The following ETFA variants were observed in gnomAD, a reference collection of about 807,000 sequenced individuals.
ETFA encodes electron transfer flavoprotein subunit alpha, also known as electron transfer flavoprotein subunit alpha, mitochondrial.
ETFA carries 22 observed loss-of-function variants against 46.2 expected under a neutral mutation model. The observed-to-expected ratio is 0.48, with a 90% CI of 0.34 to 0.68. The LOEUF (loss-of-function observed/expected upper bound fraction) is 0.68. ETFA is among the 30% of genes least tolerant of loss of function. The pLI, the probability that ETFA is intolerant of heterozygous loss-of-function variation, is 0.01. For missense variants in ETFA, 345 were observed against 401.1 expected (o/e 0.86, Z 1.19); for synonymous variants, 131 against 139.9 (o/e 0.94, Z 0.45).
chr15:76,284,701 A>T (rs2039689332), intron 7 of ETFA: 1 of 175,820 alleles, frequency 5.7e-6, no homozygotes, highest in Admixed American at 6.3e-5. Context: ...TATGTTGGCC[A>T]GGCTGGTCTC....
intron 9 of ETFA, among the ~76,000 whole-genome samples, chr15:76,266,169 G>A (rs561414690): frequency 6.6e-6 from 1 of 152,304 alleles, no homozygotes; most frequent in East Asian, 1.9e-4. Context: ...TACAACCAGG[G>A]CTGCCCTCCC....
At chr15:76,231,648 A>G (rs1293789850) in intron 9 of ETFA, among the ~76,000 whole-genome samples, 2 of 152,160 alleles carry the variant, frequency 1.3e-5, no homozygotes, top group East Asian at 3.9e-4. Flanking sequence ...AACATTTACT[A>G]TGTGCCAGAC....
At chr15:76,268,320 C>T (rs932580896) in intron 9 of ETFA, among the ~76,000 whole-genome samples, 11 of 151,786 alleles carry the variant, frequency 7.2e-5, no homozygotes, top group African/African-American at 1.5e-4. Context: ...GACCATGGAG[C>T]GGGAGACTGG....
At chr15:76,242,824 T>C (rs547554257) in intron 9 of ETFA, among the ~76,000 whole-genome samples, 156 of 152,338 alleles carry the variant, frequency 1.0e-3, no homozygotes, top group East Asian at 1.7e-3. Context: ...ATATCTAGAA[T>C]AGGCAAATTC....
intron 9 of ETFA, among the ~76,000 whole-genome samples, chr15:76,247,341 C>G (rs758215184): frequency 6.6e-6 from 1 of 152,164 alleles, no homozygotes; most frequent in Admixed American, 6.6e-5. Flanking sequence ...TCTATAACCA[C>G]GAGCAAAAGG....
chr15:76,254,284 A>C (rs749455988), intron 9 of ETFA, among the ~76,000 whole-genome samples: 4 of 152,178 alleles, frequency 2.6e-5, no homozygotes, highest in Non-Finnish European at 5.9e-5. Context: ...AACTCTGTAC[A>C]TACACTCCAC....
chr15:76,286,013 A>G (rs2039701833), intron 6 of ETFA, among the ~76,000 whole-genome samples: 1 of 152,324 alleles, frequency 6.6e-6, no homozygotes, highest in African/African-American at 2.4e-5. Context: ...CAAATAAGAC[A>G]CTATATATGT....
At chr15:76,264,292 G>A (rs768826571) in intron 9 of ETFA, among the ~76,000 whole-genome samples, 3 of 152,224 alleles carry the variant, frequency 2.0e-5, no homozygotes, top group Non-Finnish European at 4.4e-5. Context: ...AACATGGTGG[G>A]CTGAGGAAGC....
chr15:76,287,726 C>T (rs556686665), intron 5 of ETFA, 120 bp downstream of exon 5: 1 of 785,434 alleles, frequency 1.3e-6, no homozygotes, highest in South Asian at 1.5e-5. Context: ...CCTCAGAAAC[C>T]TTTAAGATGG....
rs529078316 is a variant in ETFA at position 76,259,534 on chromosome 15, G to A, written c.816+14878C>T. The A allele has an allele frequency of 1.7e-4, 158 of 947,554 alleles. 1 individual carries two copies. The highest frequency in any genetic ancestry group is 2.6e-4 in the Non-Finnish European group (147 of 575,434). 58.7% of individuals were successfully genotyped at this position (947,554 alleles called of 1,614,324 possible). On this transcript the variant is annotated intron_variant, in intron 9 of 11. Transcript: ENST00000557943. The stretch of plus-strand genomic sequence containing the variant: ...ATGCCAGCGTATGGTGTCTGCCCAC[G>A]TGTCATGATCTCCCACATGGTCACC...
intron 8 of ETFA, among the ~76,000 whole-genome samples, chr15:76,278,835 G>C (rs891107749): frequency 2.6e-5 from 4 of 152,130 alleles, no homozygotes; most frequent in Admixed American, 2.6e-4. Context: ...ATTGTCTCTT[G>C]TCTACTCAAG....
chr15:76,239,138 A>G (rs941649181), intron 9 of ETFA, among the ~76,000 whole-genome samples: 1 of 152,178 alleles, frequency 6.6e-6, no homozygotes, highest in Non-Finnish European at 1.5e-5. Flanking sequence ...CAACAACTCT[A>G]TAGGGTAGAA....
At chr15:76,272,805 A>AATATATATATATATATATAT (rs1379336424) in intron 9 of ETFA, among the ~76,000 whole-genome samples, 3 of 78,496 alleles carry the variant, frequency 3.8e-5, no homozygotes, top group Non-Finnish European at 5.9e-5. Flanking sequence ...TGTCTCTTAA[A>AATATATATATATATATATAT]ATATATACAT....
At chr15:76,307,274 T>C (rs554888434) in intron 1 of ETFA, among the ~76,000 whole-genome samples, 100 of 152,336 alleles carry the variant, frequency 6.6e-4, no homozygotes, top group Non-Finnish European at 1.2e-3. Context: ...CTTGGTGTGT[T>C]CTCTAGCTCT....
chr15:76,279,350 A>G (rs1356004733), intron 8 of ETFA, among the ~76,000 whole-genome samples: 1 of 152,084 alleles, frequency 6.6e-6, no homozygotes, highest in African/African-American at 2.4e-5. Flanking sequence ...ATTACAGCTC[A>G]CTGCAGCCTT....
In ETFA at chr15:76,285,707, C is replaced by T. The variant is rs1401556308; in HGVS notation, c.594G>A (p.Glu198=). ...TTTTTGTTAATTTCTGGTCAAGCCACTCTGATATTTCCACTGGTGAAGTAC... is the reference window on the plus strand; with the variant it reads ...TTTTTGTTAATTTCTGGTCAAGCCATTCTGATATTTCCACTGGTGAAGTAC... ...ASSTSPVEIS[E]WLDQKLTKSD... Residue 198 remains glutamate (E), a synonymous_variant, in exon 7 of 12, where the codon GAG becomes GAA. Coordinates refer to ENST00000557943, the MANE Select transcript of ETFA (RefSeq NM_000126.4). 1 of 1,611,984 alleles carries T rather than the reference C, an allele frequency of 6.2e-7. No homozygotes were observed. Among genetic ancestry groups the T allele is most frequent in the Admixed American group, 1.7e-5 (1 of 60,028 alleles).
intron 9 of ETFA, among the ~76,000 whole-genome samples, chr15:76,232,927 TA>T (rs1296158185): frequency 6.6e-6 from 1 of 152,190 alleles, no homozygotes. Flanking sequence ...TTTACAAGCA[TA>T]AAGTGTCCAA....
In ETFA at chr15:76,224,485, C is replaced by T. The variant is rs1398001692; in HGVS notation, c.963+1364G>A. On this transcript the variant is annotated intron_variant, in intron 11 of 11. Transcript: ENST00000557943. ...GCAGTCTGAGCCATCACGGAGTAAT[C>T]GGCTCAAGGGTCCTATTTCCATCCT... Among the ~76,000 whole-genome samples the T allele has an allele frequency of 2.6e-5, 4 of 152,154 alleles. No individual in the cohort carries two copies. In the East Asian group the frequency reaches 5.8e-4, roughly 22 times the overall value.
chr15:76,299,234 C>T (rs768776149), intron 1 of ETFA, among the ~76,000 whole-genome samples: 23 of 152,188 alleles, frequency 1.5e-4, no homozygotes, highest in Non-Finnish European at 3.1e-4. Flanking sequence ...CTTCCTTGTT[C>T]GCACTCTCAC....
Sources: gnomAD v4.1 joint callset for allele counts (sites outside exome capture counted in the v4.1 genomes callset) on GRCh38, gnomAD v4.1.1 for gene constraint, MANE v1.5 for transcripts, NCBI Gene and HGNC (gene_info 2026-07-23, HGNC 2026-07-21) for gene names.